Variants in PHF20 observed in about 807,000 individuals in gnomAD.
PHF20 encodes the protein glioma-expressed antigen 2.
A neutral mutation model predicts 113.5 loss-of-function variants in PHF20; 23 were observed. The observed-to-expected ratio is 0.20, with a 90% CI of 0.15 to 0.29. The LOEUF is 0.29. Among genes scored for constraint, PHF20 ranks in the 10% least tolerant of loss-of-function variants. PHF20 has a pLI of 1.00. For missense variants in PHF20, 943 were observed against 1,219.6 expected (o/e 0.77, Z 3.38); for synonymous variants, 434 against 457.3 (o/e 0.95, Z 0.65).
intron 1 of PHF20, among the ~76,000 whole-genome samples, chr20:35,789,552 T>C (rs1202049387): frequency 3.3e-5 from 5 of 152,050 alleles, no homozygotes; most frequent in African/African-American, 9.7e-5. Flanking sequence ...TTTCTTTTTC[T>C]TTTTCTTTTT....
intron 13 of PHF20, among the ~76,000 whole-genome samples, chr20:35,925,644 G>T (rs556786761): frequency 1.3e-5 from 2 of 151,672 alleles, no homozygotes; most frequent in South Asian, 4.2e-4. Flanking sequence ...CAGGAACAGG[G>T]TGCACTGTAC....
intron 9 of PHF20, among the ~76,000 whole-genome samples, chr20:35,876,656 G>A (rs1318460194): frequency 2.6e-5 from 4 of 151,996 alleles, no homozygotes; most frequent in Non-Finnish European, 5.9e-5. Context: ...TAAAACAGAA[G>A]TTAGTAATTC....
chr20:35,869,045 C>A (rs2054369770), intron 6 of PHF20, among the ~76,000 whole-genome samples: 1 of 151,884 alleles, frequency 6.6e-6, no homozygotes, highest in East Asian at 1.9e-4. Flanking sequence ...GAGCAGAGAT[C>A]GCGGCACTGC....
At chr20:35,792,709 TTTG>T (rs1274312662) in intron 1 of PHF20, among the ~76,000 whole-genome samples, 1 of 152,118 alleles carries the variant, frequency 6.6e-6, no homozygotes, top group African/African-American at 2.4e-5. Context: ...TTGGATACTG[TTTG>T]TTAATTTTTA....
chr20:35,895,237 T>C (rs904584886), intron 9 of PHF20, among the ~76,000 whole-genome samples: 2 of 152,182 alleles, frequency 1.3e-5, no homozygotes, highest in Non-Finnish European at 2.9e-5. Flanking sequence ...TTGGCCAGGC[T>C]GGTCTCAAAC....
intron 1 of PHF20, among the ~76,000 whole-genome samples, chr20:35,782,832 T>C (rs1227068597): frequency 6.6e-6 from 1 of 152,198 alleles, no homozygotes; most frequent in African/African-American, 2.4e-5. Flanking sequence ...CTGTCTGACA[T>C]CAGTCATTGG....
intron 2 of PHF20, among the ~76,000 whole-genome samples, chr20:35,815,870 AAAAC>A (rs1219038987): frequency 1.3e-5 from 2 of 152,230 alleles, no homozygotes; most frequent in African/African-American, 2.4e-5. Context: ...CTGTCTCAAA[AAAAC>A]AAACAAACAA....
At chr20:35,920,496 GA>G (rs1031240653) in intron 13 of PHF20, among the ~76,000 whole-genome samples, 123 of 152,264 alleles carry the variant, frequency 8.1e-4, no homozygotes, top group African/African-American at 2.8e-3. Context: ...ACTTATTTGG[GA>G]AAACAAAATT....
At chr20:35,826,506 A>G (rs567578721) in intron 2 of PHF20, among the ~76,000 whole-genome samples, 16 of 152,282 alleles carry the variant, frequency 1.1e-4, no homozygotes, top group African/African-American at 3.8e-4. Context: ...GGGCATATGC[A>G]AGGAAGTGAA....
intron 2 of PHF20, among the ~76,000 whole-genome samples, chr20:35,802,376 G>A (rs556169898): frequency 6.6e-6 from 1 of 150,676 alleles, no homozygotes; most frequent in African/African-American, 2.4e-5. Context: ...ACAGAGATTC[G>A]CTCTGTCACC....
intron 2 of PHF20, among the ~76,000 whole-genome samples, chr20:35,802,234 A>G (rs905677811): frequency 3.3e-5 from 5 of 152,192 alleles, no homozygotes; most frequent in African/African-American, 1.2e-4. Flanking sequence ...ATGTAAGGAA[A>G]GACCTTATAG....
chr20:35,918,064 G>C (rs1474435544), intron 13 of PHF20, among the ~76,000 whole-genome samples: 3 of 152,118 alleles, frequency 2.0e-5, no homozygotes, highest in Non-Finnish European at 2.9e-5. Context: ...AGTCATGCAG[G>C]CTGGCTTTAT....
intron 1 of PHF20, among the ~76,000 whole-genome samples, chr20:35,773,523 C>T (rs965899690): frequency 1.3e-5 from 2 of 152,146 alleles, no homozygotes; most frequent in African/African-American, 4.8e-5. Flanking sequence ...CTCCTCTCCT[C>T]CCAGGGAAGG....
At chr20:35,885,302 T>C (rs1235405129) in intron 9 of PHF20, among the ~76,000 whole-genome samples, 1 of 152,032 alleles carries the variant, frequency 6.6e-6, no homozygotes, top group Non-Finnish European at 1.5e-5. Context: ...GTTCTAATAA[T>C]GTTCTTTGTG....
At chr20:35,855,364 A>T in intron 4 of PHF20, 1 of 639,984 alleles carries the variant, frequency 1.6e-6, no homozygotes, top group Non-Finnish European at 2.4e-6. Context: ...TTATGTTCTT[A>T]TCCTTTTATC....
chr20:35,844,581 AC>A (rs2042590395), intron 3 of PHF20, among the ~76,000 whole-genome samples: 1 of 150,118 alleles, frequency 6.7e-6, no homozygotes, highest in Non-Finnish European at 1.5e-5. Context: ...ACACACACAC[AC>A]ACACACACAG....
At chr20:35,809,501 CCT>C (rs2041940386) in intron 2 of PHF20, among the ~76,000 whole-genome samples, 2 of 151,304 alleles carry the variant, frequency 1.3e-5, no homozygotes, top group Non-Finnish European at 2.9e-5. Context: ...ATCGTTTGAA[CCT>C]GGGAGGCAGA....
intron 2 of PHF20, among the ~76,000 whole-genome samples, chr20:35,826,075 G>A (rs890506669): frequency 4.0e-5 from 6 of 151,848 alleles, no homozygotes; most frequent in Admixed American, 2.0e-4. Context: ...AGACAGTTTC[G>A]CTCTTGTCCC....
chr20:35,823,664 A>G lies in PHF20; in HGVS notation c.84-18909A>G, dbSNP rs1160602367. 1.7e-4 allele frequency among the ~76,000 whole-genome samples: 25 copies of G among 150,740 alleles called. No individual in the cohort carries two copies. In the South Asian group the frequency reaches 3.1e-3, roughly 19 times the overall value. On this transcript the variant is annotated intron_variant, in intron 2 of 17. Transcript: ENST00000374012. ...AAAAAAAAAAAAAAAAGGGGTGAAGAAAGAAAAAAAAAGATATAAAGCACT... is the reference window on the plus strand; with the variant it reads ...AAAAAAAAAAAAAAAAGGGGTGAAGGAAGAAAAAAAAAGATATAAAGCACT...
Sources: gnomAD v4.1 joint callset for allele counts (sites outside exome capture counted in the v4.1 genomes callset) on GRCh38, gnomAD v4.1.1 for gene constraint, MANE v1.5 for transcripts, NCBI Gene and HGNC (gene_info 2026-07-23, HGNC 2026-07-21) for gene names.